GABRP: variants seen among roughly 807,000 people sequenced by gnomAD.
GABRP encodes gamma-aminobutyric acid type A receptor subunit pi.
GABRP carries 52 observed loss-of-function variants against 47.8 expected under a neutral mutation model. The ratio of observed to expected loss-of-function variants is 1.09; its 90% CI spans 0.87 to 1.37. The LOEUF is 1.37. Among genes scored for constraint, GABRP ranks in the 40% most tolerant of loss-of-function variants. GABRP has a pLI of 0.00. For synonymous variants in GABRP, 221 were observed against 205.8 expected (o/e 1.07, Z -0.63); for missense variants, 525 against 542.8 (o/e 0.97, Z 0.33).
chr5:170,809,903 G>A (rs1316770359), intron 9 of GABRP, 148 bp downstream of exon 9: 2 of 767,546 alleles, frequency 2.6e-6, no homozygotes, highest in Non-Finnish European at 4.5e-6. Flanking sequence ...GGTGGGAGCA[G>A]CTGGAAGTCA....
In GABRP at chr5:170,808,718, C is replaced by A. The variant is rs762878097; in HGVS notation, c.798C>A (p.Ile266=). The change falls in exon 8 of 10, where the codon ATC becomes ATA. Residue 266 remains isoleucine (I), a synonymous_variant. Transcript: ENST00000265294. ...LVVLSWVSFW[I]SLDSVPARTC... ...TGTTGTCCTGGGTTTCATTTTGGAT[C>A]TCTCTCGATTCAGTCCCTGCAAGAA... 1.2e-6 allele frequency: 2 copies of A among 1,614,156 alleles called. No homozygotes were observed. The highest frequency in any genetic ancestry group is 2.2e-5 in the East Asian group (1 of 44,882).
At chr5:170,792,063 A>C (rs899849656) in intron 3 of GABRP, among the ~76,000 whole-genome samples, 1 of 152,218 alleles carries the variant, frequency 6.6e-6, no homozygotes, top group Non-Finnish European at 1.5e-5. Context: ...ACACTCTTAC[A>C]ATGGCAATTA....
At chr5:170,808,823 T>G in intron 8 of GABRP, 71 bp downstream of exon 8, 3 of 1,351,592 alleles carry the variant, frequency 2.2e-6, no homozygotes, top group Non-Finnish European at 2.1e-6. Flanking sequence ...CTTTTACCAT[T>G]GTCTTCATTG....
At chr5:170,800,360 T>C (rs771181842) in intron 6 of GABRP, among the ~76,000 whole-genome samples, 3 of 152,204 alleles carry the variant, frequency 2.0e-5, no homozygotes, top group Non-Finnish European at 4.4e-5. Flanking sequence ...ATTAAAGACT[T>C]AAATGTTAGA....
rs757710741 is a variant in GABRP, at chr5:170,808,592, C to A, written c.680-8C>A. On this transcript the variant is annotated splice_polypyrimidine_tract_variant and splice_region_variant and intron_variant, in intron 7 of 9. Transcript: ENST00000265294. ...ACACAATTTCCTATCTGTTGTTTACCCTTTCAGGAAATTACACTAGATTGG... is the reference window on the plus strand; with the variant it reads ...ACACAATTTCCTATCTGTTGTTTACACTTTCAGGAAATTACACTAGATTGG... 1 of 1,612,290 alleles carries A rather than the reference C, an allele frequency of 6.2e-7. No individual in the cohort carries two copies. The highest frequency in any genetic ancestry group is 2.2e-5 in the East Asian group (1 of 44,850).
chr5:170,805,569 T>A (rs1468294945), intron 6 of GABRP, 147 bp from the exon 7 acceptor site: 1 of 880,766 alleles, frequency 1.1e-6, no homozygotes, highest in African/African-American at 1.7e-5. Flanking sequence ...ACTTGGGAAA[T>A]CTTGCTAAGT....
In GABRP at chr5:170,813,819, T is replaced by A. The variant is rs1441465329; in HGVS notation, c.*1561T>A. On this transcript the variant is annotated 3_prime_UTR_variant, in exon 10 of 10. Coordinates refer to ENST00000265294, the MANE Select transcript of GABRP (RefSeq NM_014211.3). The stretch of plus-strand genomic sequence containing the variant: ...CTTCTCACAATTCAGTTTCTATGAG[T>A]TTGATCACCTGATTTTTTTAACAAA... 1.3e-5 allele frequency: 2 copies of A among 152,162 alleles called. No homozygotes were observed. Among genetic ancestry groups the A allele is most frequent in the Non-Finnish European group, 2.9e-5 (2 of 68,024 alleles). 9.4% of individuals were successfully genotyped at this position (152,162 alleles called of 1,614,324 possible).
chr5:170,788,516 C>A, intron 1 of GABRP, 58 bp from the exon 2 acceptor site: 1 of 1,154,702 alleles, frequency 8.7e-7, no homozygotes, highest in Non-Finnish European at 1.3e-6. Context: ...GAGAGGCTGG[C>A]CAGGAGCAGG....
At chr5:170,794,599 T>C (rs1372744090) in intron 4 of GABRP, among the ~76,000 whole-genome samples, 1 of 151,958 alleles carries the variant, frequency 6.6e-6, no homozygotes, top group Non-Finnish European at 1.5e-5. Flanking sequence ...TGGGTACACT[T>C]GGTGATGGAT....
chr5:170,795,155 G>A (rs942611920), intron 4 of GABRP, 53 bp from the exon 5 acceptor site: 14 of 1,337,246 alleles, frequency 1.0e-5, no homozygotes, highest in Non-Finnish European at 1.3e-5. Flanking sequence ...ATTTGGTGGG[G>A]TTTTCTCACC....
rs146765294 is a variant in GABRP, at chr5:170,789,244, G to A, written c.169G>A (p.Gly57Ser). Residue 57 changes from glycine (G) to serine (S), a missense_variant, in exon 3 of 10, where the codon GGT becomes AGT. Gly to Ser is a moderately conservative substitution (Grantham distance 56). Transcript: ENST00000265294. ...GYNKFLRPNF[G>S]GEPVQIALTL... ...TAACAAATTTCTCAGGCCCAATTTTGGTGGTAGGTCATCCTCTGTGTCCAG... is the reference window on the plus strand; with the variant it reads ...TAACAAATTTCTCAGGCCCAATTTTAGTGGTAGGTCATCCTCTGTGTCCAG... 1.9e-6 allele frequency: 3 copies of A among 1,600,462 alleles called. No individual in the cohort carries two copies. Among genetic ancestry groups the A allele is most frequent in the Non-Finnish European group, 2.6e-6 (3 of 1,167,938 alleles).
rs1013360597 is a variant in GABRP at position 170,795,296 on chromosome 5, G to T, written c.329G>T (p.Arg110Leu). ...AACAAGAGCTTCACTCTGGATGCCC[G>T]CCTCGTGGAGTTCCTCTGGGTGCCA... ...EGNKSFTLDA[R>L]LVEFLWVPDT... The change falls in exon 5 of 10, where the codon CGC (arginine) becomes CTC (leucine). Residue 110 changes from arginine to leucine, a missense_variant. Physicochemically the swap from Arg to Leu is moderately radical, Grantham distance 102 (BLOSUM62 -2). Coordinates refer to ENST00000265294, the MANE Select transcript of GABRP (RefSeq NM_014211.3). 4 of 1,613,684 alleles carry T rather than the reference G, an allele frequency of 2.5e-6. No homozygotes were observed. In the Admixed American group the frequency reaches 6.7e-5, roughly 27 times the overall value.
intron 3 of GABRP, among the ~76,000 whole-genome samples, chr5:170,790,536 T>A (rs900063687): frequency 6.6e-6 from 1 of 152,088 alleles, no homozygotes; most frequent in East Asian, 1.9e-4. Flanking sequence ...TTCTTCAAGC[T>A]ATTTAGGGGG....
intron 6 of GABRP, among the ~76,000 whole-genome samples, chr5:170,805,440 G>C (rs1445522033): frequency 1.3e-5 from 2 of 152,112 alleles, no homozygotes; most frequent in Non-Finnish European, 2.9e-5. Flanking sequence ...AATGAGGGAG[G>C]CCACTTCTAA....
In GABRP at chr5:170,812,469, C is replaced by G; in HGVS notation, c.*211C>G. The G allele has an allele frequency of 1.9e-6, 1 of 533,688 alleles. No homozygotes were observed. The highest frequency in any genetic ancestry group is 3.3e-6 in the Non-Finnish European group (1 of 299,650). 33.1% of individuals were successfully genotyped at this position (533,688 alleles called of 1,614,324 possible). On this transcript the variant is annotated 3_prime_UTR_variant, in exon 10 of 10. Coordinates refer to ENST00000265294, the MANE Select transcript of GABRP (RefSeq NM_014211.3). ...TTATAGGATCTTGTAATAGAAACAT[C>G]AGTCCATTCCTCTTTCATCTTAATC...
At chr5:170,810,564 A>G (rs1265434970) in intron 9 of GABRP, among the ~76,000 whole-genome samples, 1 of 152,170 alleles carries the variant, frequency 6.6e-6, no homozygotes, top group Non-Finnish European at 1.5e-5. Context: ...GCTCTTAACT[A>G]TCACCCTTTA....
intron 8 of GABRP, among the ~76,000 whole-genome samples, 175 bp from the exon 9 acceptor site, chr5:170,809,393 A>G (rs540391468): frequency 2.6e-5 from 4 of 152,320 alleles, no homozygotes; most frequent in East Asian, 3.9e-4. Flanking sequence ...TCATATCTGT[A>G]CAAAATGGAC....
At chr5:170,801,482 C>T (rs1765588386) in intron 6 of GABRP, among the ~76,000 whole-genome samples, 1 of 152,148 alleles carries the variant, frequency 6.6e-6, no homozygotes, top group African/African-American at 2.4e-5. Flanking sequence ...ACCTGATTAC[C>T]ACACAGTAGT....
chr5:170,783,810 C>T lies in GABRP; in HGVS notation c.-107C>T, dbSNP rs1765061605. On this transcript the variant is annotated 5_prime_UTR_variant, in exon 1 of 10. Coordinates refer to ENST00000265294, the MANE Select transcript of GABRP (RefSeq NM_014211.3). ...ACCCTGGGGACCCAGAAGACCGTGC[C>T]TTGCCTGGAAGTCCTGCCTGTAGGC... 6.6e-6 allele frequency: 1 copy of T among 152,422 alleles called. No homozygotes were observed. Among genetic ancestry groups the T allele is most frequent in the South Asian group, 2.1e-4 (1 of 4,832 alleles). 9.4% of individuals were successfully genotyped at this position (152,422 alleles called of 1,614,324 possible).
Sources: gnomAD v4.1 joint callset for allele counts (sites outside exome capture counted in the v4.1 genomes callset) on GRCh38, gnomAD v4.1.1 for gene constraint, MANE v1.5 for transcripts, NCBI Gene and HGNC (gene_info 2026-07-23, HGNC 2026-07-21) for gene names.